The following SCAF8 variants were observed in gnomAD, a reference collection of about 807,000 sequenced individuals.
The protein encoded by SCAF8 is SR-related CTD associated factor 8.
In SCAF8, 23 loss-of-function variants were observed where a neutral mutation model predicts 140.5. The observed-to-expected ratio is 0.16, with a 90% CI of 0.12 to 0.23. The LOEUF (loss-of-function observed/expected upper bound fraction) is 0.23. SCAF8 is among the 10% of genes least tolerant of loss of function. The pLI is 1.00. For missense variants in SCAF8, 1,397 were observed against 1,555.7 expected (o/e 0.90, Z 1.72); for synonymous variants, 575 against 528.9 (o/e 1.09, Z -1.20).
chr6:154,749,829 A>C (rs576322971), intron 1 of SCAF8, among the ~76,000 whole-genome samples: 4 of 152,276 alleles, frequency 2.6e-5, no homozygotes, highest in African/African-American at 9.6e-5. Context: ...GTTTTAGAAA[A>C]ATGACTAGCA....
intron 7 of SCAF8, among the ~76,000 whole-genome samples, chr6:154,803,252 A>T (rs918337181): frequency 6.6e-6 from 1 of 152,184 alleles, no homozygotes; most frequent in Admixed American, 6.5e-5. Context: ...GCTTATTACC[A>T]TGGAAAAACC....
chr6:154,790,489 A>ATTTTTTTT lies in SCAF8; in HGVS notation c.322-2302_322-2295dup, dbSNP rs57095332. 1.1e-3 allele frequency among the ~76,000 whole-genome samples: 80 copies of ATTTTTTTT among 70,876 alleles called. 7 individuals carry two copies. Among genetic ancestry groups the ATTTTTTTT allele is most frequent in the Admixed American group, 1.6e-3 (7 of 4,500 alleles). 46.5% of individuals were successfully genotyped at this position (70,876 alleles called of 152,430 possible). A position where few individuals can be genotyped will look rare whatever the true frequency, so the allele number is the denominator to read the frequency against. On this transcript the variant is annotated intron_variant, in intron 4 of 19. Transcript: ENST00000367178. ...TTGTAAAACATATACATTTAACAGA[A>ATTTTTTTT]TTTTTTTTTTTTTTTTTTTTTTTTT... is the stretch of plus-strand genomic sequence containing the variant.
At position 154,733,651 on chromosome 6, in the gene SCAF8, C is replaced by A; in HGVS notation, c.-250C>A. On this transcript the variant is annotated 5_prime_UTR_variant, in exon 1 of 20. Coordinates refer to ENST00000367178, the MANE Select transcript of SCAF8 (RefSeq NM_014892.5). ...TCCCCCGCCCGCCGCCGACCCGCCC[C>A]GGCAGCGCCTCTGTTCCCTAGAACG... The A allele has an allele frequency of 7.8e-7, 1 of 1,289,824 alleles. No homozygotes were observed. Among genetic ancestry groups the A allele is most frequent in the Non-Finnish European group, 9.8e-7 (1 of 1,022,286 alleles). 79.9% of individuals were successfully genotyped at this position (1,289,824 alleles called of 1,614,324 possible).
intron 3 of SCAF8, among the ~76,000 whole-genome samples, chr6:154,781,693 T>C (rs542485373): frequency 6.6e-6 from 1 of 152,336 alleles, no homozygotes; most frequent in African/African-American, 2.4e-5. Context: ...CATTCACTCA[T>C]TGGGGTTCAT....
At chr6:154,831,252 G>A (rs948821802) in intron 19 of SCAF8, 112 bp downstream of exon 19, 11 of 639,904 alleles carry the variant, frequency 1.7e-5, no homozygotes, top group South Asian at 4.7e-5. Flanking sequence ...CTGAAATGTC[G>A]CACTTTTTTT....
At chr6:154,794,181 T>TG (rs1777517958) in intron 5 of SCAF8, among the ~76,000 whole-genome samples, 2 of 152,132 alleles carry the variant, frequency 1.3e-5, no homozygotes, top group South Asian at 4.1e-4. Flanking sequence ...CCTCCTGCCT[T>TG]GGGCTCTGAA....
chr6:154,788,385 G>T (rs541372599), intron 4 of SCAF8, among the ~76,000 whole-genome samples: 1 of 152,240 alleles, frequency 6.6e-6, no homozygotes, highest in South Asian at 2.1e-4. Flanking sequence ...TCCTAATGAC[G>T]CCATTTCTCA....
intron 4 of SCAF8, among the ~76,000 whole-genome samples, chr6:154,789,155 C>T (rs1777338189): frequency 6.6e-6 from 1 of 152,132 alleles, no homozygotes; most frequent in African/African-American, 2.4e-5. Context: ...GTCGCCCAGG[C>T]TGGAGTGCAA....
intron 16 of SCAF8, among the ~76,000 whole-genome samples, chr6:154,823,226 G>T (rs557338005): frequency 6.6e-6 from 1 of 152,156 alleles, no homozygotes; most frequent in Non-Finnish European, 1.5e-5. Flanking sequence ...GTCTTTACAT[G>T]TGACAAAAAG....
At chr6:154,755,309 AGTGGT>A (rs1562428684) in intron 1 of SCAF8, among the ~76,000 whole-genome samples, 1 of 152,164 alleles carries the variant, frequency 6.6e-6, no homozygotes, top group Non-Finnish European at 1.5e-5. Context: ...ACTGGCATGC[AGTGGT>A]GTAATCTTGG....
rs1291041760 is a variant in SCAF8, at chr6:154,800,569, A to G, written c.607-1402A>G. ...AATGTTGAAGTCACATGATCTTAAC[A>G]GTACTTTACATGGATTAGAGAGAGG... On this transcript the variant is annotated intron_variant, in intron 6 of 19. Coordinates refer to ENST00000367178, the MANE Select transcript of SCAF8 (RefSeq NM_014892.5). 3.3e-5 allele frequency among the ~76,000 whole-genome samples: 5 copies of G among 151,680 alleles called. No homozygotes were observed. In the East Asian group the frequency reaches 7.7e-4, roughly 23 times the overall value.
intron 10 of SCAF8, among the ~76,000 whole-genome samples, 190 bp from the exon 11 acceptor site, chr6:154,808,496 T>C (rs1019951831): frequency 1.3e-5 from 2 of 151,864 alleles, no homozygotes; most frequent in African/African-American, 4.8e-5. Flanking sequence ...CTGTCATTAG[T>C]GTTAGTATAT....
At chr6:154,800,986 T>G (rs897176163) in intron 6 of SCAF8, among the ~76,000 whole-genome samples, 1 of 151,444 alleles carries the variant, frequency 6.6e-6, no homozygotes, top group Admixed American at 6.6e-5. Flanking sequence ...ATTGATAGAC[T>G]GCGAAGTCAG....
chr6:154,808,943 A>T (rs1222783704), intron 11 of SCAF8, 145 bp downstream of exon 11: 1 of 613,462 alleles, frequency 1.6e-6, no homozygotes, highest in Non-Finnish European at 2.9e-6. Context: ...CAAAAACAAG[A>T]TAACCTTTGT....
intron 13 of SCAF8, among the ~76,000 whole-genome samples, chr6:154,816,269 C>T (rs1247375374): frequency 2.6e-5 from 4 of 152,184 alleles, no homozygotes; most frequent in South Asian, 2.1e-4. Context: ...CTCACCCTCT[C>T]GTGCTCTTTT....
intron 3 of SCAF8, among the ~76,000 whole-genome samples, chr6:154,787,434 G>T (rs1395310082): frequency 6.6e-6 from 1 of 152,180 alleles, no homozygotes; most frequent in African/African-American, 2.4e-5. Context: ...TTGCCATTTG[G>T]CATTGTTCTT....
At chr6:154,746,275 T>A (rs1778696754) in intron 1 of SCAF8, among the ~76,000 whole-genome samples, 1 of 152,226 alleles carries the variant, frequency 6.6e-6, no homozygotes, top group Non-Finnish European at 1.5e-5. Context: ...CCTTTGTCCT[T>A]TTGACAAGTC....
At position 154,779,781 on chromosome 6, in the gene SCAF8, G is replaced by GTA. The variant is rs59234248; in HGVS notation, c.159+1755_159+1756dup. Among the ~76,000 whole-genome samples, 512 of 144,252 alleles carry GTA rather than the reference G, an allele frequency of 3.5e-3. 8 individuals carry two copies. The highest frequency in any genetic ancestry group is 0.018 in the Middle Eastern group (5 of 282). The allele number at this position is 144,252 out of a possible 152,430, so 94.6% of individuals were successfully genotyped here. A position where few individuals can be genotyped will look rare whatever the true frequency, so the allele number is the denominator to read the frequency against. On this transcript the variant is annotated intron_variant, in intron 3 of 19. Transcript: ENST00000367178. ...AAGGTGTGTGTGTGTGTGTGTGTGT[G>GTA]TATATATATATATATATATACACTT...
chr6:154,827,154 G>T lies in SCAF8; in HGVS notation c.2072-18G>T, dbSNP rs539573394. On this transcript the variant is annotated intron_variant, in intron 17 of 19. Transcript: ENST00000367178. ...AATTTTTCTTGTGCTATTTTTTGGG[G>T]TTTTTTTTTCTGTCTAGGTTTCATG... is the stretch of plus-strand genomic sequence containing the variant. 734 of 1,542,168 alleles carry T rather than the reference G, an allele frequency of 4.8e-4. 6 individuals are homozygous for T. Among genetic ancestry groups the T allele is most frequent in the Middle Eastern group, 2.0e-3 (12 of 5,880 alleles).
Sources: allele counts gnomAD v4.1 joint callset (sites outside exome capture counted in the v4.1 genomes callset), GRCh38; gene constraint gnomAD v4.1.1; transcripts MANE v1.5; gene names NCBI Gene and HGNC (gene_info 2026-07-23, HGNC 2026-07-21).